The following LMO7 variants were observed in gnomAD, a reference collection of about 807,000 sequenced individuals.
The protein encoded by LMO7 is LIM domain 7.
LMO7 carries 120 observed loss-of-function variants against 206.5 expected under a neutral mutation model. The ratio of observed to expected loss-of-function variants is 0.58; its 90% CI spans 0.50 to 0.68. The LOEUF is 0.68. Among genes scored for constraint, LMO7 ranks in the 30% least tolerant of loss-of-function variants. The probability of loss-of-function intolerance (pLI) is 0.00; values close to 1 mark genes in which losing one functional copy is unlikely to be tolerated. For synonymous variants in LMO7, 706 were observed against 681.5 expected (o/e 1.04, Z -0.56); for missense variants, 1,959 against 1,957.9 (o/e 1.00, Z -0.01).
At chr13:75,651,653 C>T (rs150397557) in intron 1 of LMO7, among the ~76,000 whole-genome samples, 285 of 152,284 alleles carry the variant, frequency 1.9e-3, no homozygotes, top group African/African-American at 6.6e-3. Context: ...GTTACAGCAA[C>T]CATATCTGTA....
chr13:75,714,889 TAA>T (rs879473668), intron 2 of LMO7, among the ~76,000 whole-genome samples: 4 of 143,172 alleles, frequency 2.8e-5, no homozygotes, highest in African/African-American at 2.5e-5. Context: ...ATGTTTGCAG[TAA>T]AAAAAAAAAG....
chr13:75,837,755 T>G (rs772458756), intron 19 of LMO7, among the ~76,000 whole-genome samples: 6 of 152,208 alleles, frequency 3.9e-5, no homozygotes, highest in Non-Finnish European at 4.4e-5. Flanking sequence ...GTGAAAACTG[T>G]TTGTTATAGA....
intron 1 of LMO7, among the ~76,000 whole-genome samples, chr13:75,656,040 A>G (rs913379398): frequency 6.6e-6 from 1 of 152,078 alleles, no homozygotes; most frequent in Non-Finnish European, 1.5e-5. Context: ...TGCCTTCAGG[A>G]AAACATCTCT....
chr13:75,621,895 A>G (rs1284133802), intron 1 of LMO7: 1 of 1,514,576 alleles, frequency 6.6e-7, no homozygotes, highest in East Asian at 2.3e-5. Context: ...GAATACTTTT[A>G]TATTATTACT....
chr13:75,769,441 A>C (rs1251086529), intron 4 of LMO7, among the ~76,000 whole-genome samples: 1 of 152,112 alleles, frequency 6.6e-6, no homozygotes, highest in Non-Finnish European at 1.5e-5. Context: ...CAGTAAACCT[A>C]AGAAAACATG....
rs1359683739 is a variant in LMO7, at chr13:75,715,127, G to T, written c.140+1875G>T. On this transcript the variant is annotated intron_variant, in intron 2 of 30. Coordinates refer to ENST00000377534, the MANE Select transcript of LMO7 (RefSeq NM_001306080.2). Reference sequence around the variant, plus strand: ...TTTTGGGGCATTGACCCCATAAATAGATCATTAAACATGTTTGAGAATGAC... The same window carrying T: ...TTTTGGGGCATTGACCCCATAAATATATCATTAAACATGTTTGAGAATGAC... Among the ~76,000 whole-genome samples, 5 of 152,154 alleles carry T rather than the reference G, an allele frequency of 3.3e-5. No homozygotes were observed. The East Asian group carries it at 9.6e-4, about 29-fold the overall frequency.
intron 1 of LMO7, among the ~76,000 whole-genome samples, chr13:75,655,046 T>C (rs1438767820): frequency 1.3e-5 from 2 of 152,132 alleles, no homozygotes; most frequent in African/African-American, 2.4e-5. Flanking sequence ...AATTTTTGTA[T>C]TTTTAGTAGA....
At chr13:75,663,461 C>T (rs1165661261) in intron 1 of LMO7, among the ~76,000 whole-genome samples, 10 of 73,032 alleles carry the variant, frequency 1.4e-4, no homozygotes, top group Non-Finnish European at 2.6e-4. Context: ...GACGGAGCCT[C>T]GCTCTGTCGC....
chr13:75,733,390 A>G (rs1415903829), intron 3 of LMO7, among the ~76,000 whole-genome samples: 1 of 152,176 alleles, frequency 6.6e-6, no homozygotes, highest in Non-Finnish European at 1.5e-5. Flanking sequence ...CTGCTGTGCT[A>G]GCAATCAGCA....
At chr13:75,751,613 G>A (rs1329941796) in intron 3 of LMO7, among the ~76,000 whole-genome samples, 2 of 152,172 alleles carry the variant, frequency 1.3e-5, no homozygotes, top group African/African-American at 4.8e-5. Flanking sequence ...GCTTTGTAAG[G>A]CCTTTAGGTC....
At chr13:75,755,376 T>A (rs2047603157) in intron 3 of LMO7, among the ~76,000 whole-genome samples, 1 of 152,172 alleles carries the variant, frequency 6.6e-6, no homozygotes, top group East Asian at 1.9e-4. Flanking sequence ...ATAATGGTAT[T>A]CTCTTCCCTT....
At chr13:75,802,095 T>A (rs2054823648) in intron 7 of LMO7, among the ~76,000 whole-genome samples, 1 of 152,220 alleles carries the variant, frequency 6.6e-6, no homozygotes, top group Non-Finnish European at 1.5e-5. Flanking sequence ...GAATTTATTC[T>A]TTGTTTTACT....
chr13:75,834,227 TA>T lies in LMO7; in HGVS notation c.3067del (p.Ser1023AlafsTer10). The T allele has an allele frequency of 6.3e-7, 1 of 1,580,788 alleles. No individual in the cohort carries two copies. The highest frequency in any genetic ancestry group is 8.6e-7 in the Non-Finnish European group (1 of 1,163,268). ...GGTTAATTTATTTTGCATTTTTAGG[TA>T]GCCCAGCAGAATTTTCTCAGCTACA... is the stretch of plus-strand genomic sequence containing the variant. The part of the protein sequence containing the change: ...GIFVASVEAG[S>X]PAEFSQLQVD... On this transcript the variant is annotated frameshift_variant and splice_region_variant, in exon 17 of 31. Transcript: ENST00000377534. LOFTEE classifies it high-confidence loss of function.
At chr13:75,782,299 C>G (rs375124595) in intron 4 of LMO7, among the ~76,000 whole-genome samples, 1 of 152,176 alleles carries the variant, frequency 6.6e-6, no homozygotes, top group African/African-American at 2.4e-5. Flanking sequence ...GTAGGTGTTT[C>G]ATTTTCTTCA....
intron 1 of LMO7, among the ~76,000 whole-genome samples, chr13:75,662,194 A>T (rs1374292545): frequency 6.6e-6 from 1 of 152,230 alleles, no homozygotes; most frequent in Non-Finnish European, 1.5e-5. Flanking sequence ...TTCTTTTATT[A>T]AAAAATGAAT....
intron 4 of LMO7, among the ~76,000 whole-genome samples, 194 bp downstream of exon 4, chr13:75,761,232 T>C (rs993099306): frequency 6.6e-6 from 1 of 152,138 alleles, no homozygotes; most frequent in Non-Finnish European, 1.5e-5. Context: ...TGTTTGTAAC[T>C]CATAACATAG....
intron 5 of LMO7, 85 bp downstream of exon 5, chr13:75,795,516 T>C: frequency 1.1e-6 from 1 of 878,992 alleles, no homozygotes; most frequent in Non-Finnish European, 1.8e-6. Flanking sequence ...AAAAGTATAC[T>C]CTACATCTCT....
intron 25 of LMO7, among the ~76,000 whole-genome samples, chr13:75,843,786 G>A (rs934040050): frequency 1.3e-5 from 2 of 152,114 alleles, no homozygotes; most frequent in Admixed American, 6.5e-5. Context: ...TGAGGGTAGG[G>A]CCATTACCTT....
intron 1 of LMO7, among the ~76,000 whole-genome samples, chr13:75,685,326 A>C (rs1259752548): frequency 6.6e-6 from 1 of 152,164 alleles, no homozygotes; most frequent in East Asian, 1.9e-4. Flanking sequence ...CTGCTATGCC[A>C]CATATTTGAG....
Sources: allele counts gnomAD v4.1 joint callset (sites outside exome capture counted in the v4.1 genomes callset), GRCh38; gene constraint gnomAD v4.1.1; transcripts MANE v1.5; gene names NCBI Gene and HGNC (gene_info 2026-07-23, HGNC 2026-07-21).